PXDNL: variants seen among roughly 807,000 people sequenced by gnomAD.
PXDNL encodes peroxidasin like.
Under a neutral mutation model 150.8 loss-of-function variants are expected in PXDNL, and 145 were observed. The observed-to-expected ratio is 0.96, with a 90% CI of 0.84 to 1.10. The LOEUF (loss-of-function observed/expected upper bound fraction) is 1.10. Among genes scored for constraint, PXDNL ranks in the 50% least tolerant of loss-of-function variants. PXDNL has a pLI of 0.00. For missense variants in PXDNL, 2,087 were observed against 1,873.9 expected, an observed-to-expected ratio of 1.11 and a Z score of -2.10; for synonymous variants, 757 against 725.7, an observed-to-expected ratio of 1.04 and a Z score of -0.69.
At chr8:51,341,141 C>T (rs1563365037) in intron 20 of PXDNL, among the ~76,000 whole-genome samples, 3 of 152,158 alleles carry the variant, frequency 2.0e-5, no homozygotes, top group South Asian at 4.1e-4. Flanking sequence ...AGGGTGCTGC[C>T]GTTAGGCTCC....
At chr8:51,606,729 G>A (rs2130698979) in intron 2 of PXDNL, among the ~76,000 whole-genome samples, 1 of 151,656 alleles carries the variant, frequency 6.6e-6, no homozygotes, top group African/African-American at 2.4e-5. Context: ...TCAATGTATT[G>A]AAATGATTAT....
intron 1 of PXDNL, among the ~76,000 whole-genome samples, chr8:51,762,249 A>T (rs4573262): frequency 0.18 from 26,662 of 152,090 alleles, 2,710 homozygotes; most frequent in Non-Finnish European, 0.22. Flanking sequence ...ACATTATGAG[A>T]CAAGGAAAAA....
At chr8:51,547,062 T>A (rs1474421125) in intron 4 of PXDNL, among the ~76,000 whole-genome samples, 7 of 152,180 alleles carry the variant, frequency 4.6e-5, no homozygotes, top group Non-Finnish European at 1.5e-5. Context: ...TTTCTCTACC[T>A]GCCCTTATAG....
intron 19 of PXDNL, among the ~76,000 whole-genome samples, chr8:51,358,661 G>C (rs1337345986): frequency 1.3e-5 from 2 of 152,114 alleles, no homozygotes; most frequent in African/African-American, 4.8e-5. Context: ...CTCATCACAG[G>C]ACGCTCATTG....
At chr8:51,417,212 AG>A (rs1181642817) in intron 14 of PXDNL, among the ~76,000 whole-genome samples, 1 of 152,244 alleles carries the variant, frequency 6.6e-6, no homozygotes, top group East Asian at 1.9e-4. Context: ...AAAATTTTAC[AG>A]GAGTAGAGGG....
In PXDNL at chr8:51,409,395, GC is replaced by G; in HGVS notation, c.2228del (p.Gly743AlafsTer4). The G allele has an allele frequency of 6.2e-7, 1 of 1,606,706 alleles. No individual in the cohort carries two copies. The highest frequency in any genetic ancestry group is 2.3e-5 in the East Asian group (1 of 44,124). ...TCNNLQQPTW[G>X]AALTAFARLL... ...GGCGCGCGAAGGCGGTCAGCGCCGC[GC>G]CCCACGTGGGCTGCTGCAGGTTGTT... On this transcript the variant is annotated frameshift_variant, in exon 17 of 23. Coordinates refer to ENST00000356297, the MANE Select transcript of PXDNL (RefSeq NM_144651.5). LOFTEE classifies it high-confidence loss of function.
In PXDNL at chr8:51,453,517, A is replaced by G. The variant is rs1209793568; in HGVS notation, c.1249+2T>C. 2 of 1,613,942 alleles carry G rather than the reference A, an allele frequency of 1.2e-6. No homozygotes were observed. Among genetic ancestry groups the G allele is most frequent in the African/African-American group, 2.7e-5 (2 of 75,046 alleles). On this transcript the variant is annotated splice_donor_variant, in intron 10 of 22. Coordinates refer to ENST00000356297, the MANE Select transcript of PXDNL (RefSeq NM_144651.5). LOFTEE classifies it high-confidence loss of function. ...TTCAATCATGACCTTCTGCTCCCAT[A>G]CCTTGTACAATTATGTTTGCTGCAG...
intron 2 of PXDNL, among the ~76,000 whole-genome samples, chr8:51,644,094 C>G (rs555178912): frequency 6.6e-6 from 1 of 150,848 alleles, no homozygotes; most frequent in East Asian, 2.0e-4. Flanking sequence ...TACAGTGAGC[C>G]GAGATCATGC....
Position 51,798,418 on chromosome 8 carries a change from T to A in PXDNL, c.164+10763A>T, listed in dbSNP as rs189436970. Among the ~76,000 whole-genome samples, 137 of 152,050 alleles carry A rather than the reference T, an allele frequency of 9.0e-4. 1 individual carries two copies. The highest frequency in any genetic ancestry group is 3.2e-3 in the African/African-American group (132 of 41,432). ...AGACAACATACAGAATGGGAAAAAA[T>A]TTTTGCAATCTATTCATCTGAGAAA... is the stretch of plus-strand genomic sequence containing the variant. On this transcript the variant is annotated intron_variant, in intron 1 of 22. Coordinates refer to ENST00000356297, the MANE Select transcript of PXDNL (RefSeq NM_144651.5).
At position 51,339,946 on chromosome 8, in the gene PXDNL, G is replaced by A; in HGVS notation, c.4017-193C>T. ...AAATGGCAGATAAGATGATAATCCA[G>A]AGTGTCACATCTGGTTCATGTAATT... On this transcript the variant is annotated intron_variant, in intron 20 of 22. Coordinates refer to ENST00000356297, the MANE Select transcript of PXDNL (RefSeq NM_144651.5). 3 of 490,918 alleles carry A rather than the reference G, an allele frequency of 6.1e-6. No homozygotes were observed. The South Asian group carries it at 9.3e-5, about 15-fold the overall frequency. 30.4% of individuals were successfully genotyped at this position (490,918 alleles called of 1,614,324 possible).
At chr8:51,634,162 A>T (rs1426355918) in intron 2 of PXDNL, among the ~76,000 whole-genome samples, 1 of 152,086 alleles carries the variant, frequency 6.6e-6, no homozygotes, top group Non-Finnish European at 1.5e-5. Context: ...TATACAGTGA[A>T]ATGTAGGGAT....
In PXDNL at chr8:51,651,527, C is replaced by G. The variant is rs555049039; in HGVS notation, c.236+3162G>C. On this transcript the variant is annotated intron_variant, in intron 2 of 22. Transcript: ENST00000356297. ...AACCCCTCCCTTTTGACGTTCTTCT[C>G]AAGGTTCTTTTCATCTTGCTTTTCA... Among the ~76,000 whole-genome samples, 102 of 152,264 alleles carry G rather than the reference C, an allele frequency of 6.7e-4. 1 individual carries two copies. The highest frequency in any genetic ancestry group is 2.4e-3 in the African/African-American group (101 of 41,554).
chr8:51,721,951 T>TTGC (rs1816740517), intron 1 of PXDNL: 1 of 243,012 alleles, frequency 4.1e-6, no homozygotes, highest in Admixed American at 4.1e-5. Context: ...CTAAAGTGGA[T>TTGC]TGCTGTTCAT....
chr8:51,604,294 G>A (rs1275088341), intron 2 of PXDNL, among the ~76,000 whole-genome samples: 3 of 152,060 alleles, frequency 2.0e-5, no homozygotes, highest in South Asian at 2.1e-4. Flanking sequence ...TGTGGCACAT[G>A]TACACCATGG....
At chr8:51,550,724 T>C (rs1387689110) in intron 4 of PXDNL, among the ~76,000 whole-genome samples, 1 of 151,252 alleles carries the variant, frequency 6.6e-6, no homozygotes, top group African/African-American at 2.4e-5. Context: ...CAGCCAACAT[T>C]ATACTGAAAG....
intron 4 of PXDNL, among the ~76,000 whole-genome samples, chr8:51,504,396 C>T (rs1390253160): frequency 1.3e-5 from 2 of 152,156 alleles, no homozygotes; most frequent in East Asian, 1.9e-4. Context: ...GTGCTCTGGC[C>T]TCCTCCCAGC....
chr8:51,436,110 C>T (rs1809400976), intron 12 of PXDNL: 2 of 514,800 alleles, frequency 3.9e-6, no homozygotes, highest in Non-Finnish European at 7.9e-6. Context: ...TTTGTCTTGA[C>T]CCAGCTTTTG....
At chr8:51,390,994 T>C (rs1412070136) in intron 17 of PXDNL, among the ~76,000 whole-genome samples, 3 of 151,326 alleles carry the variant, frequency 2.0e-5, no homozygotes, top group Admixed American at 1.3e-4. Context: ...GAACATGCGG[T>C]GTTTGGTTTT....
rs962838860 is a variant in PXDNL, at chr8:51,404,935, C to T, written c.3557+3132G>A. Among the ~76,000 whole-genome samples, 9 of 152,270 alleles carry T rather than the reference C, an allele frequency of 5.9e-5. No individual in the cohort carries two copies. In the South Asian group the frequency reaches 1.5e-3, roughly 25 times the overall value. On this transcript the variant is annotated intron_variant, in intron 17 of 22. Transcript: ENST00000356297. ...CCCACGGCAAGGGTTGGGGGAGGCT[C>T]GGGCATGGTGGGCTGCAGGTCCGAG...
Sources: allele counts gnomAD v4.1 joint callset (sites outside exome capture counted in the v4.1 genomes callset), GRCh38; gene constraint gnomAD v4.1.1; transcripts MANE v1.5; gene names NCBI Gene and HGNC (gene_info 2026-07-23, HGNC 2026-07-21).